The following HSPA9 variants were observed in gnomAD, a reference collection of about 807,000 sequenced individuals.
HSPA9 encodes the protein heat shock protein family A (Hsp70) member 9, also known as stress-70 protein, mitochondrial.
HSPA9 carries 28 observed loss-of-function variants against 81.5 expected under a neutral mutation model. The observed-to-expected ratio is 0.34, with a 90% CI of 0.25 to 0.47. The LOEUF (loss-of-function observed/expected upper bound fraction) is 0.47. Ranked by LOEUF, HSPA9 falls within the 20% of genes least tolerant of loss-of-function variation. HSPA9 has a pLI of 1.00. For missense variants in HSPA9, 678 were observed against 838.0 expected, an observed-to-expected ratio of 0.81 and a Z score of 2.36; for synonymous variants, 293 against 290.4, an observed-to-expected ratio of 1.01 and a Z score of -0.09.
In HSPA9 at chr5:138,567,088, C is replaced by T. The variant is rs751091650; in HGVS notation, c.792G>A (p.Val264=). The change falls in exon 8 of 17, where the codon GTG becomes GTA. Residue 264 remains valine, a synonymous_variant. Transcript: ENST00000297185. ...AGAAGGTATCCCCATTTGTGGATTTCACCTCAAATACTCCTTTCTGAATTT... is the reference window on the plus strand; with the variant it reads ...AGAAGGTATCCCCATTTGTGGATTTTACCTCAAATACTCCTTTCTGAATTT... ...ILEIQKGVFE[V]KSTNGDTFLG... The T allele has an allele frequency of 1.9e-5, 31 of 1,612,798 alleles. No homozygotes were observed. Among genetic ancestry groups the T allele is most frequent in the Non-Finnish European group, 2.4e-5 (28 of 1,179,032 alleles).
At chr5:138,566,802 A>G in intron 8 of HSPA9, 84 bp from the exon 9 acceptor site, 1 of 1,174,454 alleles carries the variant, frequency 8.5e-7, no homozygotes, top group East Asian at 2.3e-5. Context: ...AACAACACAA[A>G]ATGGAGTCAT....
chr5:138,570,025 G>A (rs143387140), intron 4 of HSPA9, among the ~76,000 whole-genome samples: 14 of 151,812 alleles, frequency 9.2e-5, no homozygotes, highest in African/African-American at 2.7e-4. Flanking sequence ...CTATAGGCGC[G>A]CACCACCGAG....
chr5:138,557,260 C>T (rs757416209), intron 14 of HSPA9, 142 bp downstream of exon 14: 25 of 709,290 alleles, frequency 3.5e-5, no homozygotes, highest in Non-Finnish European at 2.9e-5. Flanking sequence ...CCACCACGCC[C>T]GGCTTCAAAC....
At chr5:138,557,292 G>A in intron 14 of HSPA9, 110 bp downstream of exon 14, 1 of 787,866 alleles carries the variant, frequency 1.3e-6, no homozygotes, top group South Asian at 1.4e-5. Context: ...CTTGGCAGTG[G>A]GCTTACAGTG....
rs190191731 is a variant in HSPA9, at chr5:138,573,308, C to T, written c.228+455G>A. Among the ~76,000 whole-genome samples, 30 of 152,170 alleles carry T rather than the reference C, an allele frequency of 2.0e-4. No homozygotes were observed. In the East Asian group the frequency reaches 5.4e-3, roughly 27 times the overall value. On this transcript the variant is annotated intron_variant, in intron 3 of 16. Coordinates refer to ENST00000297185, the MANE Select transcript of HSPA9 (RefSeq NM_004134.7). ...CCTCCCAAAGTGCTGGGACTGCAGG[C>T]GTGAGCCATTATGCCCGGTCAGCCC...
chr5:138,559,001 T>C (rs1438712653), intron 11 of HSPA9: 1 of 283,888 alleles, frequency 3.5e-6, no homozygotes, highest in Non-Finnish European at 6.9e-6. Flanking sequence ...ACCACATACT[T>C]TTCTTCAGAG....
chr5:138,559,618 G>A (rs1750609583), intron 11 of HSPA9: 3 of 472,898 alleles, frequency 6.3e-6, no homozygotes, highest in South Asian at 4.2e-5. Context: ...TTAATCCTGT[G>A]GAGGAGACTA....
At chr5:138,570,189 G>A (rs545372106) in intron 4 of HSPA9, among the ~76,000 whole-genome samples, 8 of 152,032 alleles carry the variant, frequency 5.3e-5, no homozygotes, top group South Asian at 2.1e-4. Flanking sequence ...TTTAGAAAAA[G>A]GCAGGCTGGG....
chr5:138,575,229 G>A lies in HSPA9; in HGVS notation c.81+9C>T. The A allele has an allele frequency of 6.3e-7, 1 of 1,593,842 alleles. No individual in the cohort carries two copies. Among genetic ancestry groups the A allele is most frequent in the Non-Finnish European group, 8.5e-7 (1 of 1,169,828 alleles). The stretch of plus-strand genomic sequence containing the variant: ...CGTGACCCCATTCGGGAAGGTCCCA[G>A]TTCCTCACCTGGTGGCGGGCGGCCG... On this transcript the variant is annotated intron_variant, in intron 1 of 16. Transcript: ENST00000297185.
chr5:138,569,153 T>C (rs559210083), intron 4 of HSPA9, 104 bp from the exon 5 acceptor site: 1 of 1,057,786 alleles, frequency 9.5e-7, no homozygotes, highest in South Asian at 1.3e-5. Flanking sequence ...AGAGACTCAT[T>C]CATGGCCAAC....
At chr5:138,558,954 GAGAA>G (rs1472172163) in intron 11 of HSPA9, 12 of 360,000 alleles carry the variant, frequency 3.3e-5, no homozygotes, top group Non-Finnish European at 6.4e-5. Context: ...AACGGGATCA[GAGAA>G]AGAAGATGTA....
In HSPA9 at chr5:138,553,943, T is replaced by C. The variant is rs1750467905; in HGVS notation, c.*2094A>G. 6.6e-6 allele frequency among the ~76,000 whole-genome samples: 1 copy of C among 152,202 alleles called. No individual in the cohort carries two copies. Among genetic ancestry groups the C allele is most frequent in the African/African-American group, 2.4e-5 (1 of 41,452 alleles). The stretch of plus-strand genomic sequence containing the variant: ...AACTGCCAGAGCTAAGACATCCATA[T>C]TCTTCTAACCTCGGACTAGGACACC... On this transcript the variant is annotated 3_prime_UTR_variant, in exon 17 of 17. Coordinates refer to ENST00000297185, the MANE Select transcript of HSPA9 (RefSeq NM_004134.7).
intron 12 of HSPA9, 106 bp downstream of exon 12, chr5:138,558,447 G>T (rs1048149079): frequency 1.3e-6 from 1 of 795,168 alleles, no homozygotes; most frequent in African/African-American, 1.7e-5. Flanking sequence ...AGACTACTCA[G>T]TATGTATGTG....
At chr5:138,562,782 T>C (rs774439118) in intron 9 of HSPA9, among the ~76,000 whole-genome samples, 1 of 152,220 alleles carries the variant, frequency 6.6e-6, no homozygotes, top group Non-Finnish European at 1.5e-5. Flanking sequence ...GTCAAAGTTA[T>C]GTTCTGAACC....
chr5:138,570,715 C>T (rs895312094), intron 4 of HSPA9: 5 of 443,258 alleles, frequency 1.1e-5, no homozygotes, highest in African/African-American at 8.0e-5. Context: ...GAACTCCTGA[C>T]TTCAGGTGAT....
chr5:138,555,646 G>C lies in HSPA9; in HGVS notation c.*391C>G. The C allele has an allele frequency of 3.2e-6, 1 of 316,338 alleles. No individual in the cohort carries two copies. Among genetic ancestry groups the C allele is most frequent in the Non-Finnish European group, 6.1e-6 (1 of 164,068 alleles). The allele number at this position is 316,338 out of a possible 1,614,324, so 19.6% of individuals were successfully genotyped here. A position where few individuals can be genotyped will look rare whatever the true frequency, so the allele number is the denominator to read the frequency against. ...TACAGCAGTACTAGGCTAACTAGAA[G>C]GATCTCATCCCCATATGTGGTCTCA... On this transcript the variant is annotated 3_prime_UTR_variant, in exon 17 of 17. Transcript: ENST00000297185.
chr5:138,568,985 T>C lies in HSPA9; in HGVS notation c.475A>G (p.Lys159Glu), dbSNP rs1372706832. ...NGDAWVEAHG[K>E]LYSPSQIGAF... ...CCAATCTGACTCGGAGAATACAATT[T>C]CCCATGAGCCTCAACCCAGGCATCA... The change falls in exon 5 of 17, where the codon AAA becomes GAA. Residue 159 changes from lysine to glutamate, a missense_variant. Transcript: ENST00000297185. 1.2e-6 allele frequency: 2 copies of C among 1,613,984 alleles called. No homozygotes were observed. Among genetic ancestry groups the C allele is most frequent in the Non-Finnish European group, 1.7e-6 (2 of 1,179,914 alleles).
intron 9 of HSPA9, among the ~76,000 whole-genome samples, chr5:138,564,204 A>G (rs1750714258): frequency 6.6e-6 from 1 of 152,142 alleles, no homozygotes; most frequent in African/African-American, 2.4e-5. Context: ...CCTGGGTTCA[A>G]GCGATTCTCC....
chr5:138,568,991 G>T lies in HSPA9; in HGVS notation c.469C>A (p.His157Asn). 1 of 1,613,854 alleles carries T rather than the reference G, an allele frequency of 6.2e-7. No homozygotes were observed. The change falls in exon 5 of 17, where the codon CAT (histidine) becomes AAT (asparagine). Residue 157 changes from histidine to asparagine, a missense_variant. Coordinates refer to ENST00000297185, the MANE Select transcript of HSPA9 (RefSeq NM_004134.7). ...ASNGDAWVEA[H>N]GKLYSPSQIG... is the part of the protein sequence containing the mutation. ...TGACTCGGAGAATACAATTTCCCAT[G>T]AGCCTCAACCCAGGCATCACCATTG...
Sources: allele counts gnomAD v4.1 joint callset (sites outside exome capture counted in the v4.1 genomes callset), GRCh38; gene constraint gnomAD v4.1.1; transcripts MANE v1.5; gene names NCBI Gene and HGNC (gene_info 2026-07-23, HGNC 2026-07-21).